Variants in IKZF1 observed in about 807,000 individuals in gnomAD.
The protein encoded by IKZF1 is DNA-binding protein Ikaros.
Under a neutral mutation model 51.7 loss-of-function variants are expected in IKZF1, and 10 were observed. The observed-to-expected ratio is 0.19, with a 90% confidence interval of 0.12 to 0.33. The LOEUF (loss-of-function observed/expected upper bound fraction) is 0.33. IKZF1 is among the 10% of genes least tolerant of loss of function. The pLI is 1.00. For missense variants in IKZF1, 484 were observed against 707.5 expected (o/e 0.68, Z 3.58); for synonymous variants, 280 against 282.3 (o/e 0.99, Z 0.08).
At chr7:50,311,909 G>C (rs764148781) in intron 1 of IKZF1, among the ~76,000 whole-genome samples, 1 of 152,028 alleles carries the variant, frequency 6.6e-6, no homozygotes, top group Non-Finnish European at 1.5e-5. Context: ...AAAATAATGG[G>C]AACACAGCAG....
intron 3 of IKZF1, among the ~76,000 whole-genome samples, chr7:50,330,890 C>T (rs947765307): frequency 7.9e-5 from 12 of 152,036 alleles, no homozygotes; most frequent in African/African-American, 2.4e-4. Flanking sequence ...GCAGCAGGGG[C>T]GGAGAGTGCC....
chr7:50,303,933 C>G (rs967756400), upstream of IKZF1: 1 of 144,478 alleles, frequency 6.9e-6, no homozygotes, highest in Non-Finnish European at 1.5e-5. This position sits in a 1 kb window ranked among gnomAD's most constrained non-coding sequence, Gnocchi z 4.7. Flanking sequence ...CCGGGCTGCC[C>G]GGCCCGCGGA....
intron 3 of IKZF1, among the ~76,000 whole-genome samples, chr7:50,364,189 T>C (rs1486690748): frequency 6.6e-6 from 1 of 152,196 alleles, no homozygotes; most frequent in Non-Finnish European, 1.5e-5. Context: ...GTTTAGCCTC[T>C]CCCCAGAGTG....
At chr7:50,372,416 G>C (rs139953631) in intron 3 of IKZF1, among the ~76,000 whole-genome samples, 2 of 152,104 alleles carry the variant, frequency 1.3e-5, no homozygotes, top group African/African-American at 4.8e-5. Context: ...AACCTTTCCC[G>C]TCATAACATG....
intron 1 of IKZF1, among the ~76,000 whole-genome samples, chr7:50,308,310 T>A (rs1309693949): frequency 2.0e-5 from 3 of 152,196 alleles, no homozygotes; most frequent in Non-Finnish European, 2.9e-5. Context: ...TACAGGCAAC[T>A]GCCAAATTGT....
At chr7:50,398,288 A>C (rs949192323) in intron 7 of IKZF1, among the ~76,000 whole-genome samples, 7 of 152,116 alleles carry the variant, frequency 4.6e-5, no homozygotes, top group Non-Finnish European at 1.0e-4. Flanking sequence ...CAAACCTTTC[A>C]GTGGTTTCCA....
chr7:50,319,247 T>A, intron 2 of IKZF1, 146 bp downstream of exon 2: 1 of 580,790 alleles, frequency 1.7e-6, no homozygotes, highest in Non-Finnish European at 3.1e-6. Flanking sequence ...CCTGAGTGTT[T>A]CCTTCACCTG....
At chr7:50,379,133 A>G (rs780234857) in intron 4 of IKZF1, among the ~76,000 whole-genome samples, 17 of 152,230 alleles carry the variant, frequency 1.1e-4, no homozygotes, top group South Asian at 2.1e-4. Context: ...GCAGGAGAGC[A>G]AGCATTCCTA....
chr7:50,375,962 C>T (rs1164415598), intron 3 of IKZF1, among the ~76,000 whole-genome samples: 6 of 152,198 alleles, frequency 3.9e-5, no homozygotes, highest in African/African-American at 1.4e-4. Context: ...GTGGTCAGAA[C>T]TCTGAGCATT....
At chr7:50,386,203 T>C (rs1813328882) in intron 5 of IKZF1, among the ~76,000 whole-genome samples, 1 of 152,264 alleles carries the variant, frequency 6.6e-6, no homozygotes. Context: ...TTAGGCATGA[T>C]ATTAATTCCT....
intron 7 of IKZF1, among the ~76,000 whole-genome samples, chr7:50,399,095 G>A (rs115830682): frequency 2.2e-4 from 33 of 152,296 alleles, no homozygotes; most frequent in African/African-American, 7.2e-4. Flanking sequence ...CTGCTGAGGC[G>A]TCAACAGTAG....
rs2153467883 is a variant in IKZF1 at position 50,376,468 on chromosome 7, G to A, written c.161-65G>A. 1 of 1,585,446 alleles carries A rather than the reference G, an allele frequency of 6.3e-7. No homozygotes were observed. On this transcript the variant is annotated intron_variant, in intron 3 of 7. Coordinates refer to ENST00000331340, the MANE Select transcript of IKZF1 (RefSeq NM_006060.6). This position sits in a 1 kb window ranked among gnomAD's most constrained non-coding sequence, Gnocchi z 4.5. ...CCTATTTGATTGTCTTTTTGCTGCT[G>A]TGTTGTTTTGTTGAGTTTTTTTTTT...
intron 2 of IKZF1, among the ~76,000 whole-genome samples, chr7:50,326,359 T>A (rs1018791256): frequency 6.6e-6 from 1 of 152,258 alleles, no homozygotes; most frequent in Non-Finnish European, 1.5e-5. Context: ...TCCCAGGCTG[T>A]TGCTGTTTTG....
At chr7:50,396,497 G>A (rs1225958449) in intron 7 of IKZF1, among the ~76,000 whole-genome samples, 1 of 152,130 alleles carries the variant, frequency 6.6e-6, no homozygotes, top group Non-Finnish European at 1.5e-5. Flanking sequence ...GCAATTATGA[G>A]GCATTTCCTC....
intron 7 of IKZF1, chr7:50,394,003 C>G (rs1230026613): frequency 4.3e-6 from 1 of 232,266 alleles, no homozygotes; most frequent in Non-Finnish European, 8.5e-6. Context: ...CTGTGAAACT[C>G]TACTGGAGCC....
intron 3 of IKZF1, among the ~76,000 whole-genome samples, chr7:50,336,419 CAGGCTCAG>C (rs1238086193): frequency 2.0e-5 from 3 of 152,146 alleles, no homozygotes; most frequent in Non-Finnish European, 4.4e-5. Context: ...GGGCGGGTTG[CAGGCTCAG>C]AGGCACAGGA....
chr7:50,339,679 G>A (rs1029055774), intron 3 of IKZF1, among the ~76,000 whole-genome samples: 1 of 151,868 alleles, frequency 6.6e-6, no homozygotes. Flanking sequence ...GCTTGAATTC[G>A]GGAGGCGGGG....
At chr7:50,360,929 C>T (rs761502855) in intron 3 of IKZF1, among the ~76,000 whole-genome samples, 1 of 152,258 alleles carries the variant, frequency 6.6e-6, no homozygotes, top group African/African-American at 2.4e-5. Flanking sequence ...GACCCACACT[C>T]TTATGGGCAG....
At chr7:50,389,089 G>A (rs890374404) in intron 6 of IKZF1, among the ~76,000 whole-genome samples, 15 of 152,162 alleles carry the variant, frequency 9.9e-5, no homozygotes, top group Non-Finnish European at 1.8e-4. Flanking sequence ...AGCTGCTTCC[G>A]GGGGAGCAGG....
Sources: gnomAD v4.1 joint callset for allele counts (sites outside exome capture counted in the v4.1 genomes callset) on GRCh38, gnomAD v4.1.1 for gene constraint, Gnocchi (gnomAD v3.1) non-coding constraint, MANE v1.5 for transcripts, NCBI Gene and HGNC (gene_info 2026-07-23, HGNC 2026-07-21) for gene names.